LRRC8E: variants seen among roughly 807,000 people sequenced by gnomAD.
The protein encoded by LRRC8E is leucine rich repeat containing 8 VRAC subunit E.
In LRRC8E, 6 loss-of-function variants were observed where a neutral mutation model predicts 6.1. The ratio of observed to expected loss-of-function variants is 0.98; its 90% CI spans 0.54 to 1.93. The LOEUF is 1.93. LRRC8E is among the 30% of genes most tolerant of loss of function. The pLI is 0.01. For missense variants in LRRC8E, 1,028 were observed against 1,031.4 expected, an observed-to-expected ratio of 1.00 and a Z score of 0.04; for synonymous variants, 485 against 472.8, an observed-to-expected ratio of 1.03 and a Z score of -0.33.
rs749304586 is a variant in LRRC8E at position 7,900,703 on chromosome 19, G to C, written c.2181G>C (p.Leu727Phe). The change falls in exon 3 of 3, where the codon TTG becomes TTC. Residue 727 changes from leucine (L) to phenylalanine (F), a missense_variant. Transcript: ENST00000306708. The surrounding 1 kb of genome is among the most constrained non-coding windows in gnomAD (Gnocchi z 5.0). ...TCTTCTGCCGCAAGCTGCGGACGTT[G>C]CTTCTGGGCGACAACCAGCTGAGCC... ...ELFFCRKLRT[L>F]LLGDNQLSQL... 1 of 1,613,410 alleles carries C rather than the reference G, an allele frequency of 6.2e-7. No homozygotes were observed. The highest frequency in any genetic ancestry group is 2.2e-5 in the East Asian group (1 of 44,886).
In LRRC8E at chr19:7,898,873, C is replaced by G; in HGVS notation, c.351C>G (p.Tyr117Ter). 6.2e-7 allele frequency: 1 copy of G among 1,614,254 alleles called. No individual in the cohort carries two copies. The highest frequency in any genetic ancestry group is 8.5e-7 in the Non-Finnish European group (1 of 1,180,048). Residue 117 changes from tyrosine to a stop codon, truncating the protein, a stop_gained, in exon 3 of 3, where the codon TAC becomes TAG. Coordinates refer to ENST00000306708, the MANE Select transcript of LRRC8E (RefSeq NM_025061.6). LOFTEE classifies it low-confidence loss of function (END_TRUNC). ...YETALHWYAKYFPYLVVIHTL... is the reference protein window; with the variant it reads ...YETALHWYAK ...CGGCCCTGCACTGGTATGCCAAGTA[C>G]TTCCCTTACCTCGTGGTCATTCACA...
intron 1 of LRRC8E, among the ~76,000 whole-genome samples, chr19:7,892,296 T>C (rs1236891692): frequency 6.6e-6 from 1 of 151,506 alleles, no homozygotes; most frequent in Non-Finnish European, 1.5e-5. Flanking sequence ...ATGGTCTCAA[T>C]CTCCTGACCT....
chr19:7,900,827 G>T lies in LRRC8E; in HGVS notation c.2305G>T (p.Gly769Trp). ...GCCAGAAGAACTTGGCAACTGTGGG[G>T]GGCTCAAGAAGGCGGGGCTCCTGGT... ...ALPEELGNCG[G>W]LKKAGLLVED... Residue 769 changes from glycine to tryptophan, a missense_variant, in exon 3 of 3, where the codon GGG becomes TGG. Gly to Trp is a radical substitution (Grantham distance 184). Transcript: ENST00000306708. The surrounding 1 kb of genome is among the most constrained non-coding windows in gnomAD (Gnocchi z 5.0). The T allele has an allele frequency of 6.3e-7, 1 of 1,584,072 alleles. No individual in the cohort carries two copies. The highest frequency in any genetic ancestry group is 1.4e-5 in the African/African-American group (1 of 73,828).
Position 7,899,249 on chromosome 19 carries a change from A to C in LRRC8E, c.727A>C (p.Met243Leu). The change falls in exon 3 of 3, where the codon ATG becomes CTG. Residue 243 changes from methionine to leucine, a missense_variant. Met to Leu is a conservative substitution (Grantham distance 15). Transcript: ENST00000306708. ...GTTTGAGAAGGTGAAGAAGTTCCGC[A>C]TGCACGTGGAAGAGGGCGACATCCT... Reference protein sequence around the residue: ...ALFEKVKKFRMHVEEGDILYT... With the variant: ...ALFEKVKKFRLHVEEGDILYT... 2 of 1,614,226 alleles carry C rather than the reference A, an allele frequency of 1.2e-6. No homozygotes were observed. The highest frequency in any genetic ancestry group is 1.7e-6 in the Non-Finnish European group (2 of 1,180,038).
At chr19:7,896,274 T>C (rs1343187685) in intron 2 of LRRC8E, among the ~76,000 whole-genome samples, 1 of 150,902 alleles carries the variant, frequency 6.6e-6, no homozygotes, top group Non-Finnish European at 1.5e-5. Context: ...TTTTTCTTTT[T>C]GGCTAAAAAG....
In LRRC8E at chr19:7,900,840, CG is replaced by C; in HGVS notation, c.2322del (p.Leu775SerfsTer30). 1.9e-6 allele frequency: 3 copies of C among 1,567,514 alleles called. No homozygotes were observed. Among genetic ancestry groups the C allele is most frequent in the African/African-American group, 1.4e-5 (1 of 73,282 alleles). ...GGCAACTGTGGGGGGCTCAAGAAGGCGGGGCTCCTGGTGGAAGACACGCTTT... is the reference window on the plus strand; with the variant it reads ...GGCAACTGTGGGGGGCTCAAGAAGGCGGGCTCCTGGTGGAAGACACGCTTT... ...ELGNCGGLKK[A>X]GLLVEDTLYQ... On this transcript the variant is annotated frameshift_variant, in exon 3 of 3. Coordinates refer to ENST00000306708, the MANE Select transcript of LRRC8E (RefSeq NM_025061.6). LOFTEE classifies it low-confidence loss of function (END_TRUNC). This position sits in a 1 kb window ranked among gnomAD's most constrained non-coding sequence, Gnocchi z 5.0.
In LRRC8E at chr19:7,898,701, T is replaced by G. The variant is rs1445372504; in HGVS notation, c.179T>G (p.Leu60Arg). ...ATCATCTGTCTACCCAATCATGAGC[T>G]CCAGGAGAACTTATCAGAGGCCCCG... The part of the protein sequence containing the change: ...DKIICLPNHE[L>R]QENLSEAPCQ... Residue 60 changes from leucine to arginine, a missense_variant, in exon 3 of 3, where the codon CTC becomes CGC. Physicochemically the swap from Leu to Arg is moderately radical, Grantham distance 102 (BLOSUM62 -2). Coordinates refer to ENST00000306708, the MANE Select transcript of LRRC8E (RefSeq NM_025061.6). The G allele has an allele frequency of 6.2e-7, 1 of 1,613,068 alleles. No individual in the cohort carries two copies. The highest frequency in any genetic ancestry group is 8.5e-7 in the Non-Finnish European group (1 of 1,179,506).
In LRRC8E at chr19:7,894,320, G is replaced by A. The variant is rs183326919; in HGVS notation, c.-5-1279G>A. On this transcript the variant is annotated intron_variant, in intron 1 of 2. Transcript: ENST00000306708. ...ACTTCACTGCCACCTCTGCCTCCCCGGATCAAGACCCTCCCACCTCAGCCT... is the reference window on the plus strand; with the variant it reads ...ACTTCACTGCCACCTCTGCCTCCCCAGATCAAGACCCTCCCACCTCAGCCT... 5.5e-4 allele frequency among the ~76,000 whole-genome samples: 84 copies of A among 152,252 alleles called. 1 individual carries two copies. In the East Asian group the frequency reaches 0.014, roughly 25 times the overall value.
At chr19:7,898,627 A>G (rs1981732086) in intron 2 of LRRC8E, 34 bp from the exon 3 acceptor site, 1 of 1,552,900 alleles carries the variant, frequency 6.4e-7, no homozygotes, top group South Asian at 1.2e-5. Flanking sequence ...CCAAAGTGCT[A>G]GGATTACAGC....
rs1432676532 is a variant in LRRC8E at position 7,898,204 on chromosome 19, CA to C, written c.139-446del. 4.1e-4 allele frequency among the ~76,000 whole-genome samples: 26 copies of C among 62,980 alleles called. No individual in the cohort carries two copies. In the South Asian group the frequency reaches 7.3e-3, roughly 18 times the overall value. 41.3% of individuals were successfully genotyped at this position (62,980 alleles called of 152,430 possible). On this transcript the variant is annotated intron_variant, in intron 2 of 2. Transcript: ENST00000306708. ...GCCTGACAGAGCGAGACTCTTGTCTCAAAAAAAAAAACCAAAAAAAAAAAAA... is the reference window on the plus strand; with the variant it reads ...GCCTGACAGAGCGAGACTCTTGTCTCAAAAAAAAAACCAAAAAAAAAAAAA...
intron 1 of LRRC8E, 139 bp downstream of exon 1, chr19:7,888,739 C>G (rs73923924): frequency 6.6e-6 from 1 of 152,382 alleles, no homozygotes; most frequent in East Asian, 1.9e-4. Context: ...CGTCCCGACA[C>G]ACCAGGAGCT....
chr19:7,899,284 G>C lies in LRRC8E; in HGVS notation c.762G>C (p.Met254Ile). The stretch of plus-strand genomic sequence containing the variant: ...AAGAGGGCGACATCCTGTACACCAT[G>C]TACATCCGACAGACGGTGCTGAAAG... ...HVEEGDILYTMYIRQTVLKVC... is the reference protein window; with the variant it reads ...HVEEGDILYTIYIRQTVLKVC... The change falls in exon 3 of 3, where the codon ATG becomes ATC. Residue 254 changes from methionine (M) to isoleucine (I), a missense_variant. By Grantham distance (10) the Met-to-Ile change is conservative. Transcript: ENST00000306708. 4 of 1,614,224 alleles carry C rather than the reference G, an allele frequency of 2.5e-6. No individual in the cohort carries two copies. The highest frequency in any genetic ancestry group is 3.4e-6 in the Non-Finnish European group (4 of 1,180,044).
In LRRC8E at chr19:7,898,760, C is replaced by A. The variant is rs758415820; in HGVS notation, c.238C>A (p.Gln80Lys). 3 of 1,613,966 alleles carry A rather than the reference C, an allele frequency of 1.9e-6. No homozygotes were observed. Among genetic ancestry groups the A allele is most frequent in the Non-Finnish European group, 2.5e-6 (3 of 1,180,018 alleles). Residue 80 changes from glutamine (Q) to lysine (K), a missense_variant, in exon 3 of 3, where the codon CAG becomes AAG. Coordinates refer to ENST00000306708, the MANE Select transcript of LRRC8E (RefSeq NM_025061.6). ...ATTGCTGCCTCGGGGGATCCCTGAG[C>A]AGATTGGGGCCCTGCAGGAGGTTAA... ...QQLLPRGIPE[Q>K]IGALQEVKGL...
chr19:7,898,458 C>T (rs1259099547), intron 2 of LRRC8E, among the ~76,000 whole-genome samples: 1 of 152,098 alleles, frequency 6.6e-6, no homozygotes, highest in Non-Finnish European at 1.5e-5. Context: ...CTTCCGGGTT[C>T]AAGCGATTCT....
At position 7,900,720 on chromosome 19, in the gene LRRC8E, A is replaced by G. The variant is rs1480313268; in HGVS notation, c.2198A>G (p.Gln733Arg). 6.2e-7 allele frequency: 1 copy of G among 1,613,230 alleles called. No homozygotes were observed. Among genetic ancestry groups the G allele is most frequent in the Admixed American group, 1.7e-5 (1 of 60,022 alleles). The change falls in exon 3 of 3, where the codon CAG (glutamine) becomes CGG (arginine). Residue 733 changes from glutamine (Q) to arginine (R), a missense_variant. Transcript: ENST00000306708. This position sits in a 1 kb window ranked among gnomAD's most constrained non-coding sequence, Gnocchi z 5.0. ...CGGACGTTGCTTCTGGGCGACAACC[A>G]GCTGAGCCAGCTCTCGCCCCACGTG... Reference protein sequence around the residue: ...KLRTLLLGDNQLSQLSPHVGA... With the variant: ...KLRTLLLGDNRLSQLSPHVGA...
chr19:7,899,430 A>G lies in LRRC8E; in HGVS notation c.908A>G (p.His303Arg). The G allele has an allele frequency of 6.2e-7, 1 of 1,614,098 alleles. No individual in the cohort carries two copies. Among genetic ancestry groups the G allele is most frequent in the Admixed American group, 1.7e-5 (1 of 60,012 alleles). Residue 303 changes from histidine (H) to arginine (R), a missense_variant, in exon 3 of 3, where the codon CAC becomes CGC. Physicochemically the swap from His to Arg is conservative, Grantham distance 29. Transcript: ENST00000306708. ...GGCTACGCCAGCTTCTGCTGCAACC[A>G]CACCAAGGCCCACCTCTTCTCCAAG... ...VTGYASFCCN[H>R]TKAHLFSKLA...
At position 7,901,625 on chromosome 19, in the gene LRRC8E, C is replaced by G. The variant is rs193048897; in HGVS notation, c.*712C>G. On this transcript the variant is annotated 3_prime_UTR_variant, in exon 3 of 3. Transcript: ENST00000306708. ...GGGCGCTGTGGCTCATGACTATAAT[C>G]CCAGCTGTTTGAGAGGCCAATGCAG... 1 of 151,762 alleles carries G rather than the reference C, an allele frequency of 6.6e-6. No individual in the cohort carries two copies. Among genetic ancestry groups the G allele is most frequent in the African/African-American group, 2.4e-5 (1 of 41,214 alleles). The allele number at this position is 151,762 out of a possible 1,614,324, so 9.4% of individuals were successfully genotyped here.
At position 7,895,732 on chromosome 19, in the gene LRRC8E, C is replaced by T. The variant is rs757246926; in HGVS notation, c.129C>T (p.Cys43=). Residue 43 remains cysteine (C), a synonymous_variant, in exon 2 of 3, where the codon TGC becomes TGT. Coordinates refer to ENST00000306708, the MANE Select transcript of LRRC8E (RefSeq NM_025061.6). This position sits in a 1 kb window ranked among gnomAD's most constrained non-coding sequence, Gnocchi z 4.7. ...TGCTCATGATTGGGGTCTTTGGCTG[C>T]ACCCTCCAGGTGAGGCCCTCCCCTG... is the stretch of plus-strand genomic sequence containing the variant. ...VAMLMIGVFG[C]TLQVTQDKII... The T allele has an allele frequency of 1.2e-6, 2 of 1,613,872 alleles. No homozygotes were observed. Among genetic ancestry groups the T allele is most frequent in the East Asian group, 2.2e-5 (1 of 44,866 alleles).
chr19:7,892,550 G>C (rs1388420464), intron 1 of LRRC8E, among the ~76,000 whole-genome samples: 1 of 152,180 alleles, frequency 6.6e-6, no homozygotes, highest in Non-Finnish European at 1.5e-5. Context: ...CAGTGTCCCT[G>C]CAGGATCCTT....
Sources: allele counts gnomAD v4.1 joint callset (sites outside exome capture counted in the v4.1 genomes callset), GRCh38; gene constraint gnomAD v4.1.1; non-coding constraint Gnocchi (gnomAD v3.1); transcripts MANE v1.5; gene names NCBI Gene and HGNC (gene_info 2026-07-23, HGNC 2026-07-21).